ZNF385D: variants seen among roughly 807,000 people sequenced by gnomAD.
The protein encoded by ZNF385D is zinc finger protein 659.
ZNF385D carries 15 observed loss-of-function variants against 35.8 expected under a neutral mutation model. The ratio of observed to expected loss-of-function variants is 0.42; its 90% CI spans 0.28 to 0.64. The LOEUF (loss-of-function observed/expected upper bound fraction) is 0.64. Ranked by LOEUF, ZNF385D falls within the 30% of genes least tolerant of loss-of-function variation. ZNF385D has a pLI of 0.23. For synonymous variants in ZNF385D, 212 were observed against 186.8 expected (o/e 1.13, Z -1.10); for missense variants, 474 against 494.6 (o/e 0.96, Z 0.39).
At chr3:21,606,462 T>G (rs1322890451) in intron 2 of ZNF385D, among the ~76,000 whole-genome samples, 6 of 152,220 alleles carry the variant, frequency 3.9e-5, no homozygotes, top group Non-Finnish European at 8.8e-5. Context: ...ATGTACAAAA[T>G]GGAACACCAT....
chr3:22,199,256 A>C (rs1172996412), intron 2 of ZNF385D, among the ~76,000 whole-genome samples: 1 of 152,128 alleles, frequency 6.6e-6, no homozygotes, highest in East Asian at 1.9e-4. Flanking sequence ...TTGTCTGCCC[A>C]ATGTAGATTA....
chr3:21,700,655 G>A (rs1427950813), intron 1 of ZNF385D, among the ~76,000 whole-genome samples: 1 of 152,072 alleles, frequency 6.6e-6, no homozygotes, highest in Non-Finnish European at 1.5e-5. Flanking sequence ...TGTGTAAAAC[G>A]GTGAAGAAAG....
chr3:22,357,793 G>A (rs1216657492), intron 2 of ZNF385D, among the ~76,000 whole-genome samples: 3 of 151,862 alleles, frequency 2.0e-5, no homozygotes, highest in African/African-American at 7.2e-5. Context: ...TCTGCCAAAA[G>A]TGACATATCA....
rs1220237397 is a variant in ZNF385D, at chr3:22,050,877, T to TAAAATATAAACCG, written c.325+117939_325+117940insCGGTTTATATTTT. 9.8e-4 allele frequency among the ~76,000 whole-genome samples: 94 copies of TAAAATATAAACCG among 96,056 alleles called. 12 individuals are homozygous for TAAAATATAAACCG. Among genetic ancestry groups the TAAAATATAAACCG allele is most frequent in the Middle Eastern group, 6.0e-3 (1 of 168 alleles). 63.0% of individuals were successfully genotyped at this position (96,056 alleles called of 152,430 possible). ...CCTTAAAAATTCAATGTGTTATAAT[T>TAAAATATAAACCG]TCTGTTCTTTTACATTTGCTGAGGA... On this transcript the variant is annotated intron_variant, in intron 3 of 5. Coordinates refer to the ZNF385D transcript ENST00000494108.
At chr3:22,100,626 T>G (rs189126496) in intron 3 of ZNF385D, among the ~76,000 whole-genome samples, 1 of 135,274 alleles carries the variant, frequency 7.4e-6, no homozygotes, top group African/African-American at 2.8e-5. Context: ...TAGGTGGGAA[T>G]TGAACAATGA....
At chr3:22,064,295 A>T (rs1238503954) in intron 3 of ZNF385D, among the ~76,000 whole-genome samples, 1 of 152,200 alleles carries the variant, frequency 6.6e-6, no homozygotes, top group Non-Finnish European at 1.5e-5. Context: ...AGGAGTAGGA[A>T]ATTTAATTAG....
chr3:22,273,526 T>A (rs979113462), intron 2 of ZNF385D, among the ~76,000 whole-genome samples: 1 of 151,834 alleles, frequency 6.6e-6, no homozygotes, highest in Non-Finnish European at 1.5e-5. Flanking sequence ...CTAGCCCTCA[T>A]AACAAAAAAT....
rs138673051 is a variant in ZNF385D at position 21,424,605 on chromosome 3, G to A, written c.853-541C>T. 5.8e-3 allele frequency among the ~76,000 whole-genome samples: 865 copies of A among 149,114 alleles called. 10 individuals carry two copies. Among genetic ancestry groups the A allele is most frequent in the African/African-American group, 0.02 (826 of 40,656 alleles). On this transcript the variant is annotated intron_variant, in intron 6 of 7. Transcript: ENST00000281523. ...TGAGATTACAGGCGTGAGCCACTGC[G>A]CCCAGCCTATTTTAGTGTATTTTTA... is the stretch of plus-strand genomic sequence containing the variant.
At chr3:21,686,719 T>C (rs1258267653) in intron 1 of ZNF385D, among the ~76,000 whole-genome samples, 2 of 152,228 alleles carry the variant, frequency 1.3e-5, no homozygotes, top group Non-Finnish European at 2.9e-5. Context: ...TAGTGGCTAT[T>C]GTGTTTGTCA....
At chr3:21,591,716 C>T (rs1036179487) in intron 2 of ZNF385D, among the ~76,000 whole-genome samples, 1 of 152,142 alleles carries the variant, frequency 6.6e-6, no homozygotes, top group African/African-American at 2.4e-5. Flanking sequence ...TAAACTCATT[C>T]ACTCTGTCCA....
intron 3 of ZNF385D, among the ~76,000 whole-genome samples, chr3:21,759,811 A>T (rs2070519661): frequency 6.6e-6 from 1 of 152,210 alleles, no homozygotes; most frequent in Non-Finnish European, 1.5e-5. Flanking sequence ...CTTCATGATA[A>T]ATTGAGTGCA....
chr3:22,280,812 G>A (rs1469383189), intron 2 of ZNF385D, among the ~76,000 whole-genome samples: 4 of 152,038 alleles, frequency 2.6e-5, no homozygotes, highest in Non-Finnish European at 1.5e-5. Flanking sequence ...AATGATTGCG[G>A]TATTTTGATT....
At chr3:21,803,702 T>A in intron 3 of ZNF385D, among the ~76,000 whole-genome samples, 1 of 152,164 alleles carries the variant, frequency 6.6e-6, no homozygotes, top group East Asian at 1.9e-4. Flanking sequence ...AACAAAAGCA[T>A]TTTTCTCAGT....
chr3:22,187,266 G>T (rs934044085), intron 2 of ZNF385D, among the ~76,000 whole-genome samples: 1 of 152,008 alleles, frequency 6.6e-6, no homozygotes, highest in Non-Finnish European at 1.5e-5. Context: ...TTATTTAATC[G>T]AAGTCTATTA....
intron 3 of ZNF385D, among the ~76,000 whole-genome samples, chr3:21,560,601 C>A (rs2062906965): frequency 6.6e-6 from 1 of 152,138 alleles, no homozygotes; most frequent in African/African-American, 2.4e-5. Context: ...GAGGTATCTC[C>A]CAATCAGGAG....
At chr3:21,580,785 G>A (rs982877453) in intron 2 of ZNF385D, among the ~76,000 whole-genome samples, 14 of 146,056 alleles carry the variant, frequency 9.6e-5, no homozygotes, top group African/African-American at 2.9e-4. Flanking sequence ...GAATATATAT[G>A]TATGTTTGTG....
At chr3:21,582,393 C>T (rs1053004616) in intron 2 of ZNF385D, among the ~76,000 whole-genome samples, 16 of 152,168 alleles carry the variant, frequency 1.1e-4, no homozygotes, top group African/African-American at 3.4e-4. Context: ...AGTTGACTTG[C>T]TTTTAATACA....
intron 3 of ZNF385D, among the ~76,000 whole-genome samples, chr3:22,012,971 T>C (rs981378760): frequency 6.6e-6 from 1 of 151,790 alleles, no homozygotes; most frequent in Non-Finnish European, 1.5e-5. Context: ...ATTAATATGA[T>C]AGAAAAAAAT....
At chr3:21,780,931 G>A (rs1180717030) in intron 3 of ZNF385D, among the ~76,000 whole-genome samples, 3 of 152,162 alleles carry the variant, frequency 2.0e-5, no homozygotes, top group Non-Finnish European at 2.9e-5. Flanking sequence ...GTGGGCAGGT[G>A]TCTTCATAAG....
Sources: gnomAD v4.1 joint callset for allele counts (sites outside exome capture counted in the v4.1 genomes callset) on GRCh38, gnomAD v4.1.1 for gene constraint, MANE v1.5 for transcripts, NCBI Gene and HGNC (gene_info 2026-07-23, HGNC 2026-07-21) for gene names.